STK33: variants seen among roughly 807,000 people sequenced by gnomAD.
STK33 encodes serine/threonine-protein kinase 33.
A neutral mutation model predicts 58.0 loss-of-function variants in STK33; 52 were observed. The ratio of observed to expected loss-of-function variants is 0.90; its 90% CI spans 0.72 to 1.13. The LOEUF is 1.13. Among genes scored for constraint, STK33 ranks in the 50% most tolerant of loss-of-function variants. The pLI is 0.00. For synonymous variants in STK33, 215 were observed against 200.1 expected (o/e 1.07, Z -0.63); for missense variants, 630 against 604.2 (o/e 1.04, Z -0.45).
intron 1 of STK33, among the ~76,000 whole-genome samples, chr11:8,583,507 A>T (rs569691787): frequency 6.6e-6 from 1 of 152,304 alleles, no homozygotes; most frequent in Non-Finnish European, 1.5e-5. Flanking sequence ...AGAAAATATA[A>T]ATCAATGCTA....
chr11:8,587,160 T>C (rs1363377194), intron 1 of STK33, among the ~76,000 whole-genome samples: 2 of 152,206 alleles, frequency 1.3e-5, no homozygotes, highest in African/African-American at 4.8e-5. Context: ...AAAGTATTAT[T>C]TATGACATCA....
chr11:8,530,531 AAC>A (rs1364859497), intron 1 of STK33, among the ~76,000 whole-genome samples: 2 of 152,090 alleles, frequency 1.3e-5, no homozygotes, highest in Non-Finnish European at 2.9e-5. Context: ...GAAATTTAGA[AAC>A]ACTTTCAAAA....
chr11:8,583,535 A>AT (rs1287560124), intron 1 of STK33, among the ~76,000 whole-genome samples: 2 of 152,230 alleles, frequency 1.3e-5, no homozygotes, highest in African/African-American at 2.4e-5. Context: ...CAATGATAAG[A>AT]AAGATACGGG....
chr11:8,464,624 T>C (rs1272888489), intron 7 of STK33, 85 bp downstream of exon 7: 9 of 898,246 alleles, frequency 1.0e-5, no homozygotes, highest in Non-Finnish European at 1.6e-5. Flanking sequence ...GAGAGGCAGC[T>C]TGTGTTAGTG....
In STK33 at chr11:8,592,656, A is replaced by G. The variant is rs2032804816; in HGVS notation, c.-466+1427T>C. ...GAGACAGGGTCTCACTCCATTGCCCAGGCTGGAATGCAGTGGCAAGTTCAC... is the reference window on the plus strand; with the variant it reads ...GAGACAGGGTCTCACTCCATTGCCCGGGCTGGAATGCAGTGGCAAGTTCAC... On this transcript the variant is annotated intron_variant, in intron 1 of 15. Coordinates refer to ENST00000687296, the MANE Select transcript of STK33 (RefSeq NM_001352389.2). Among the ~76,000 whole-genome samples, 5 of 152,146 alleles carry G rather than the reference A, an allele frequency of 3.3e-5. No homozygotes were observed. In the South Asian group the frequency reaches 1.0e-3, roughly 32 times the overall value.
At chr11:8,579,272 C>T (rs115351260) in intron 1 of STK33, among the ~76,000 whole-genome samples, 3 of 151,950 alleles carry the variant, frequency 2.0e-5, no homozygotes, top group African/African-American at 7.2e-5. Context: ...TTCAGTGGAG[C>T]CCTTATTGCC....
intron 1 of STK33, chr11:8,555,007 A>C (rs1956632664): frequency 1.3e-5 from 2 of 152,182 alleles, no homozygotes. Context: ...CAAGCACAGA[A>C]AGACAGAGGA....
intron 10 of STK33, among the ~76,000 whole-genome samples, chr11:8,453,380 C>G (rs1946507875): frequency 6.6e-6 from 1 of 152,026 alleles, no homozygotes; most frequent in Non-Finnish European, 1.5e-5. Context: ...TGAAACTCTC[C>G]TTTTTTATAA....
chr11:8,516,244 T>C (rs929298262), intron 1 of STK33, among the ~76,000 whole-genome samples: 1 of 152,028 alleles, frequency 6.6e-6, no homozygotes, highest in Admixed American at 6.6e-5. Context: ...ATCCCAGAAA[T>C]AAACCCATGC....
intron 1 of STK33, among the ~76,000 whole-genome samples, chr11:8,534,959 T>C (rs923965380): frequency 3.3e-5 from 5 of 152,156 alleles, no homozygotes; most frequent in African/African-American, 1.2e-4. Context: ...AATATTCCCC[T>C]GGGATGATAA....
chr11:8,469,287 C>T (rs1948544730), intron 6 of STK33, among the ~76,000 whole-genome samples: 1 of 152,192 alleles, frequency 6.6e-6, no homozygotes, highest in Non-Finnish European at 1.5e-5. Flanking sequence ...ATTTTGTTGT[C>T]ATTTCAAAAA....
chr11:8,347,236 G>A, the STK33 span, among the ~76,000 whole-genome samples: 3 of 152,186 alleles, frequency 2.0e-5, no homozygotes, highest in Admixed American at 6.5e-5. Flanking sequence ...GGTGGCAAAG[G>A]GAAGGACATC....
At chr11:8,464,428 G>T (rs1444068994) in intron 7 of STK33, among the ~76,000 whole-genome samples, 1 of 152,112 alleles carries the variant, frequency 6.6e-6, no homozygotes, top group East Asian at 1.9e-4. Flanking sequence ...CTGAGAACCA[G>T]CCCTTATCTT....
chr11:8,373,985 T>C, the STK33 span, among the ~76,000 whole-genome samples: 1 of 152,238 alleles, frequency 6.6e-6, no homozygotes, highest in African/African-American at 2.4e-5. Context: ...CTGTCTTCTT[T>C]CATCTCAGGC....
intron 11 of STK33, among the ~76,000 whole-genome samples, chr11:8,447,396 T>C (rs905503411): frequency 6.6e-6 from 1 of 152,182 alleles, no homozygotes; most frequent in African/African-American, 2.4e-5. Context: ...AATAAAATAC[T>C]GGCAAACCAA....
At chr11:8,471,425 A>C (rs1336695489) in intron 6 of STK33, among the ~76,000 whole-genome samples, 1 of 152,054 alleles carries the variant, frequency 6.6e-6, no homozygotes, top group Non-Finnish European at 1.5e-5. Flanking sequence ...ATTTTTACTG[A>C]CACAGAAGAA....
intron 1 of STK33, among the ~76,000 whole-genome samples, chr11:8,515,291 G>A (rs558492118): frequency 6.6e-6 from 1 of 152,164 alleles, no homozygotes; most frequent in African/African-American, 2.4e-5. Flanking sequence ...ACAATTATAC[G>A]CCAACAAACT....
chr11:8,400,572 C>A lies in STK33; in HGVS notation c.1345-7862G>T, dbSNP rs373245519. Among the ~76,000 whole-genome samples, 364 of 152,286 alleles carry A rather than the reference C, an allele frequency of 2.4e-3. 9 individuals are homozygous for A. In the South Asian group the frequency reaches 0.045, roughly 19 times the overall value. ...TGAAAACTGGCACAAGACAGGGATG[C>A]CCTCTCTCACCACTCCTATTTAACA... On this transcript the variant is annotated intron_variant, in intron 15 of 15. Transcript: ENST00000687296.
intron 1 of STK33, among the ~76,000 whole-genome samples, chr11:8,553,834 C>CTATAAAG (rs1405737319): frequency 1.3e-5 from 2 of 151,844 alleles, no homozygotes; most frequent in Non-Finnish European, 2.9e-5. Context: ...AATATAAGAC[C>CTATAAAG]CGAAACTATA....
Sources: gnomAD v4.1 joint callset for allele counts (sites outside exome capture counted in the v4.1 genomes callset) on GRCh38, gnomAD v4.1.1 for gene constraint, MANE v1.5 for transcripts, NCBI Gene and HGNC (gene_info 2026-07-23, HGNC 2026-07-21) for gene names.